Variants in SHQ1 observed in about 807,000 individuals in gnomAD.
The protein encoded by SHQ1 is SHQ1, H/ACA ribonucleoprotein assembly factor.
In SHQ1, 49 loss-of-function variants were observed where a neutral mutation model predicts 53.8. The ratio of observed to expected loss-of-function variants is 0.91; its 90% CI spans 0.72 to 1.16. The LOEUF (loss-of-function observed/expected upper bound fraction) is 1.16, where lower values mean the gene tolerates loss of function less well. Ranked by LOEUF, SHQ1 falls within the 50% of genes most tolerant of loss-of-function variation. The pLI, the probability that SHQ1 is intolerant of heterozygous loss-of-function variation, is 0.00. For missense variants in SHQ1, 738 were observed against 683.1 expected, an observed-to-expected ratio of 1.08 and a Z score of -0.90; for synonymous variants, 243 against 251.0, an observed-to-expected ratio of 0.97 and a Z score of 0.30.
chr3:72,748,971 GCACA>G (rs34002344), downstream of SHQ1, among the ~76,000 whole-genome samples: 2,163 of 144,020 alleles, frequency 0.015, 31 homozygotes, highest in African/African-American at 0.034. Context: ...ACACGCACAC[GCACA>G]CACACACACA....
rs1217774272 is a variant in SHQ1 at position 72,750,044 on chromosome 3, C to T, written c.*240G>A. ...ATGTAAATGCTGTGGAAATAGTTGT[C>T]ATACTGTATTATTTAGAGAATAATA... On this transcript the variant is annotated 3_prime_UTR_variant, in exon 11 of 11. Transcript: ENST00000325599. 1 of 492,864 alleles carries T rather than the reference C, an allele frequency of 2.0e-6. No individual in the cohort carries two copies. The highest frequency in any genetic ancestry group is 3.6e-6 in the Non-Finnish European group (1 of 280,610). The allele number at this position is 492,864 out of a possible 1,614,324, so 30.5% of individuals were successfully genotyped here. A position where few individuals can be genotyped will look rare whatever the true frequency, so the allele number is the denominator to read the frequency against.
intron 10 of SHQ1, among the ~76,000 whole-genome samples, chr3:72,782,080 G>A (rs539105325): frequency 6.6e-6 from 1 of 152,224 alleles, no homozygotes; most frequent in Admixed American, 6.5e-5. Flanking sequence ...CAGAAAACAT[G>A]ATCCACTTCA....
the SHQ1 span, among the ~76,000 whole-genome samples, chr3:72,729,714 T>C: frequency 1.3e-5 from 2 of 152,248 alleles, no homozygotes; most frequent in African/African-American, 4.8e-5. Flanking sequence ...GCACAGCCAA[T>C]AGCATTATAC....
intron 5 of SHQ1, 138 bp downstream of exon 5, chr3:72,832,231 A>G (rs1245927916): frequency 1.6e-6 from 1 of 638,320 alleles, no homozygotes; most frequent in Non-Finnish European, 2.8e-6. Flanking sequence ...GGTTAATTCA[A>G]ATGTCCATTA....
At chr3:72,812,526 G>A (rs917900044) in intron 9 of SHQ1, 145 bp downstream of exon 9, 40 of 821,930 alleles carry the variant, frequency 4.9e-5, no homozygotes, top group Admixed American at 1.5e-4. Flanking sequence ...TTATACACAG[G>A]AATTCTATAC....
chr3:72,837,078 C>T (rs1005057781), intron 4 of SHQ1, among the ~76,000 whole-genome samples: 3 of 152,130 alleles, frequency 2.0e-5, no homozygotes, highest in Non-Finnish European at 2.9e-5. Flanking sequence ...GCTGGGTTGG[C>T]GCCCAGAGAC....
At chr3:72,789,081 T>TAAA (rs1205170855) in intron 10 of SHQ1, among the ~76,000 whole-genome samples, 72 of 61,724 alleles carry the variant, frequency 1.2e-3, no homozygotes, top group African/African-American at 4.3e-3. Context: ...CAATAAACAC[T>TAAA]AAAAAAAAAA....
intron 10 of SHQ1, among the ~76,000 whole-genome samples, chr3:72,782,118 T>C (rs1391846178): frequency 6.6e-6 from 1 of 152,186 alleles, no homozygotes; most frequent in Non-Finnish European, 1.5e-5. Flanking sequence ...CACTTTAAGC[T>C]TAACAGAAGT....
intron 9 of SHQ1, among the ~76,000 whole-genome samples, chr3:72,804,005 C>T (rs1373834411): frequency 2.0e-5 from 3 of 152,310 alleles, no homozygotes; most frequent in Non-Finnish European, 4.4e-5. Context: ...TAACCTCGAA[C>T]TCCTGGGCTC....
rs577451131 is a variant in SHQ1 at position 72,792,407 on chromosome 3, C to A, written c.1181+509G>T. Among the ~76,000 whole-genome samples, 17 of 152,312 alleles carry A rather than the reference C, an allele frequency of 1.1e-4. 1 individual carries two copies. In the South Asian group the frequency reaches 2.5e-3, roughly 22 times the overall value. ...TAACTTTTTACCATCTGTGTACCTCCTTCCCTAAGCAAATTCACCAAGCTC... is the reference window on the plus strand; with the variant it reads ...TAACTTTTTACCATCTGTGTACCTCATTCCCTAAGCAAATTCACCAAGCTC... On this transcript the variant is annotated intron_variant, in intron 10 of 10. Transcript: ENST00000325599.
intron 8 of SHQ1, 96 bp from the exon 9 acceptor site, chr3:72,812,890 G>A: frequency 1.4e-6 from 2 of 1,419,514 alleles, no homozygotes; most frequent in Non-Finnish European, 9.7e-7. Context: ...TTTAAAAGCT[G>A]CAAGTTCGGA....
intron 9 of SHQ1, chr3:72,809,902 T>C (rs1404853038): frequency 6.7e-6 from 1 of 148,594 alleles, no homozygotes; most frequent in Non-Finnish European, 1.5e-5. Flanking sequence ...GAGGTTGCAG[T>C]GAGTCAAGAT....
At chr3:72,783,363 CTTTTT>C (rs796866861) in intron 10 of SHQ1, among the ~76,000 whole-genome samples, 3 of 129,110 alleles carry the variant, frequency 2.3e-5, no homozygotes, top group South Asian at 2.4e-4. Flanking sequence ...TTTTTATACA[CTTTTT>C]TTTTTTTTTT....
the SHQ1 span, among the ~76,000 whole-genome samples, chr3:72,726,647 G>A: frequency 1.5e-4 from 23 of 152,224 alleles, 1 homozygote; most frequent in Middle Eastern, 6.8e-3. Flanking sequence ...CCACCACGCC[G>A]GGCCACATTT....
intron 10 of SHQ1, among the ~76,000 whole-genome samples, chr3:72,754,969 T>C (rs1196464628): frequency 1.3e-5 from 2 of 152,216 alleles, no homozygotes; most frequent in African/African-American, 4.8e-5. Flanking sequence ...TTGTCTACTA[T>C]ACAGATATTG....
At chr3:72,726,247 G>A in the SHQ1 span, among the ~76,000 whole-genome samples, 3 of 152,212 alleles carry the variant, frequency 2.0e-5, no homozygotes, top group East Asian at 1.9e-4. Context: ...TTAAGCCTGG[G>A]CCTGTGACCT....
At chr3:72,844,597 G>C in intron 1 of SHQ1, 174 bp from the exon 2 acceptor site, 1 of 662,848 alleles carries the variant, frequency 1.5e-6, no homozygotes, top group South Asian at 1.8e-5. Context: ...AACCAAGAAA[G>C]TAGAAATTAG....
rs2270966 is a variant in SHQ1 at position 72,815,340 on chromosome 3, G to A, written c.936+10C>T. The A allele has an allele frequency of 5.0e-4, 798 of 1,610,432 alleles. 4 individuals are homozygous for A. In the East Asian group the frequency reaches 0.016, roughly 33 times the overall value. On this transcript the variant is annotated intron_variant, in intron 8 of 10. Coordinates refer to ENST00000325599, the MANE Select transcript of SHQ1 (RefSeq NM_018130.3). Reference sequence around the variant, plus strand: ...AACAAATTCTAAACAATTGCAACTGGAAATCATACCTCAAACCAGCATAGT... The same window carrying A: ...AACAAATTCTAAACAATTGCAACTGAAAATCATACCTCAAACCAGCATAGT...
chr3:72,832,363 A>G lies in SHQ1; in HGVS notation c.599+6T>C. On this transcript the variant is annotated splice_donor_region_variant and intron_variant, in intron 5 of 10. Coordinates refer to ENST00000325599, the MANE Select transcript of SHQ1 (RefSeq NM_018130.3). ...TTATTTAATCCTCAAAAATCTCATT[A>G]CTCACAGATAATGATCAGGATCAAA... The G allele has an allele frequency of 6.3e-7, 1 of 1,590,920 alleles. No individual in the cohort carries two copies. The highest frequency in any genetic ancestry group is 2.2e-4 in the Middle Eastern group (1 of 4,530).
Sources: gnomAD v4.1 joint callset for allele counts (sites outside exome capture counted in the v4.1 genomes callset) on GRCh38, gnomAD v4.1.1 for gene constraint, MANE v1.5 for transcripts, NCBI Gene and HGNC (gene_info 2026-07-23, HGNC 2026-07-21) for gene names.